The following PDE8A variants were observed in gnomAD, a reference collection of about 807,000 sequenced individuals.
The protein encoded by PDE8A is phosphodiesterase 8A.
A neutral mutation model predicts 105.0 loss-of-function variants in PDE8A; 59 were observed. That is an observed-to-expected ratio of 0.56 (90% CI 0.46 to 0.70). The LOEUF is 0.70. Ranked by LOEUF, PDE8A falls within the 30% of genes least tolerant of loss-of-function variation. The pLI is 0.00. For missense variants in PDE8A, 1,014 were observed against 1,045.9 expected (o/e 0.97, Z 0.42); for synonymous variants, 355 against 371.9 (o/e 0.95, Z 0.52).
chr15:85,081,678 G>C (rs2081468985), intron 5 of PDE8A, among the ~76,000 whole-genome samples: 1 of 152,140 alleles, frequency 6.6e-6, no homozygotes, highest in Non-Finnish European at 1.5e-5. Flanking sequence ...CCTTGGGACA[G>C]AAACAAAAGT....
chr15:85,130,341 A>C (rs2082313266), intron 20 of PDE8A, among the ~76,000 whole-genome samples: 1 of 152,182 alleles, frequency 6.6e-6, no homozygotes, highest in African/African-American at 2.4e-5. Flanking sequence ...ACCATATCAA[A>C]GCATATGCTA....
intron 11 of PDE8A, among the ~76,000 whole-genome samples, chr15:85,102,117 A>C (rs1356688825): frequency 2.6e-5 from 4 of 152,152 alleles, no homozygotes; most frequent in Admixed American, 2.6e-4. Context: ...ATTACAGTGG[A>C]AGAGAACAGC....
At chr15:85,076,206 C>T (rs530312307) in intron 4 of PDE8A, among the ~76,000 whole-genome samples, 1 of 152,064 alleles carries the variant, frequency 6.6e-6, no homozygotes, top group Non-Finnish European at 1.5e-5. Context: ...GGGTATCTTC[C>T]TAGGGCCTTC....
chr15:85,128,245 A>G (rs897429840), intron 20 of PDE8A, among the ~76,000 whole-genome samples: 1 of 152,152 alleles, frequency 6.6e-6, no homozygotes, highest in African/African-American at 2.4e-5. Flanking sequence ...TGGCTTATAC[A>G]TGTCATCTCA....
intron 17 of PDE8A, 114 bp downstream of exon 17, chr15:85,117,953 G>A: frequency 1.2e-6 from 1 of 838,378 alleles, no homozygotes; most frequent in South Asian, 1.4e-5. Flanking sequence ...GCCTGGCACA[G>A]GAAGGGCAAG....
intron 1 of PDE8A, among the ~76,000 whole-genome samples, chr15:85,058,628 C>T (rs543943283): frequency 1.3e-4 from 20 of 152,144 alleles, no homozygotes; most frequent in Admixed American, 6.5e-4. Flanking sequence ...ATTTGGTCTT[C>T]GTACTTTTTG....
chr15:85,039,071 A>C (rs1567242681), intron 1 of PDE8A, among the ~76,000 whole-genome samples: 3 of 151,310 alleles, frequency 2.0e-5, no homozygotes, highest in Non-Finnish European at 4.4e-5. Flanking sequence ...CAGTGAGCCG[A>C]GATTGTGCCA....
chr15:85,015,117 TC>T (rs1331895874), intron 1 of PDE8A, among the ~76,000 whole-genome samples: 1 of 152,222 alleles, frequency 6.6e-6, no homozygotes, highest in African/African-American at 2.4e-5. Flanking sequence ...AGTTCCTCCT[TC>T]CTTTTTTAGC....
intron 1 of PDE8A, among the ~76,000 whole-genome samples, chr15:85,031,231 A>G (rs1009643330): frequency 6.6e-6 from 1 of 152,238 alleles, no homozygotes; most frequent in South Asian, 2.1e-4. Flanking sequence ...CCTGGAGTGG[A>G]TAAGTGACTA....
At position 85,104,857 on chromosome 15, in the gene PDE8A, G is replaced by A. The variant is rs76034550; in HGVS notation, c.1037-4196G>A. On this transcript the variant is annotated intron_variant, in intron 11 of 21. Coordinates refer to ENST00000394553, the MANE Select transcript of PDE8A (RefSeq NM_002605.3). Reference sequence around the variant, plus strand: ...AGAAAGGAGTCCAGCAATAATAGACGTGAATAATGGCCAGGGGAGCACTGA... The same window carrying A: ...AGAAAGGAGTCCAGCAATAATAGACATGAATAATGGCCAGGGGAGCACTGA... Among the ~76,000 whole-genome samples, 5 of 152,242 alleles carry A rather than the reference G, an allele frequency of 3.3e-5. No individual in the cohort carries two copies. In the East Asian group the frequency reaches 9.7e-4, roughly 30 times the overall value.
At position 85,120,824 on chromosome 15, in the gene PDE8A, G is replaced by A. The variant is rs561761878; in HGVS notation, c.1762G>A (p.Ala588Thr). The A allele has an allele frequency of 5.0e-6, 8 of 1,613,560 alleles. No homozygotes were observed. The highest frequency in any genetic ancestry group is 1.7e-4 in the Middle Eastern group (1 of 6,058). The change falls in exon 18 of 22, where the codon GCT becomes ACT. Residue 588 changes from alanine to threonine, a missense_variant. Coordinates refer to ENST00000394553, the MANE Select transcript of PDE8A (RefSeq NM_002605.3). ...KETLDPIDEVAALIAATIHDV... is the reference protein window; with the variant it reads ...KETLDPIDEVTALIAATIHDV... ...AACTTTAGATCCAATTGATGAGGTC[G>A]CTGCACTCATCGCAGCCACCATTCA... is the stretch of plus-strand genomic sequence containing the variant.
upstream of PDE8A, among the ~76,000 whole-genome samples, chr15:84,981,184 T>C (rs2079700867): frequency 6.6e-6 from 1 of 152,350 alleles, no homozygotes; most frequent in African/African-American, 2.4e-5. Context: ...GGTGGCTGTG[T>C]GTCCCTGGGC....
intron 20 of PDE8A, among the ~76,000 whole-genome samples, chr15:85,135,369 A>AC (rs1182400409): frequency 6.6e-6 from 1 of 151,786 alleles, no homozygotes; most frequent in African/African-American, 2.4e-5. Context: ...TCCCAGAGTG[A>AC]CCCCCAGAGG....
intron 20 of PDE8A, among the ~76,000 whole-genome samples, chr15:85,130,067 C>T (rs977872948): frequency 6.6e-6 from 1 of 152,196 alleles, no homozygotes; most frequent in South Asian, 2.1e-4. Flanking sequence ...ATCTGCTCAG[C>T]TTCCGGTGAG....
chr15:85,042,285 T>C (rs1430208576), intron 1 of PDE8A, among the ~76,000 whole-genome samples: 1 of 152,090 alleles, frequency 6.6e-6, no homozygotes. Flanking sequence ...CAATTGATCC[T>C]CTCACTTCAG....
At chr15:84,996,508 G>A (rs66550763) in intron 1 of PDE8A, among the ~76,000 whole-genome samples, 33,971 of 151,900 alleles carry the variant, frequency 0.22, 5,025 homozygotes, top group Middle Eastern at 0.36. Context: ...CATAGAAAAA[G>A]TATAATAAAA....
At chr15:85,012,226 CT>C (rs2078655326) in intron 1 of PDE8A, among the ~76,000 whole-genome samples, 2 of 152,156 alleles carry the variant, frequency 1.3e-5, no homozygotes, top group African/African-American at 4.8e-5. Context: ...ATAAATCATG[CT>C]GCTATAAAGA....
rs1018332552 is a variant in PDE8A at position 85,120,149 on chromosome 15, AAAAC to A, written c.1735-644_1735-641del. ...GTAAGAAGTAAAAAAACAAAAAAAA[AAAAC>A]AAAAGAGGCCAATAACATGGAAGTA... On this transcript the variant is annotated intron_variant, in intron 17 of 21. Transcript: ENST00000394553. 7 of 151,844 alleles carry A rather than the reference AAAAC, an allele frequency of 4.6e-5. No homozygotes were observed. The South Asian group carries it at 6.3e-4, about 14-fold the overall frequency. 9.4% of individuals were successfully genotyped at this position (151,844 alleles called of 1,614,324 possible).
intron 1 of PDE8A, among the ~76,000 whole-genome samples, chr15:85,024,426 T>C (rs1472865299): frequency 6.6e-6 from 1 of 152,142 alleles, no homozygotes; most frequent in South Asian, 2.1e-4. Flanking sequence ...ATCTTGAATC[T>C]TTTTCTGAAG....
Sources: gnomAD v4.1 joint callset for allele counts (sites outside exome capture counted in the v4.1 genomes callset) on GRCh38, gnomAD v4.1.1 for gene constraint, MANE v1.5 for transcripts, NCBI Gene and HGNC (gene_info 2026-07-23, HGNC 2026-07-21) for gene names.